The following CXCR5 variants were observed in gnomAD, a reference collection of about 807,000 sequenced individuals.
CXCR5 encodes the protein C-X-C motif chemokine receptor 5.
Under a neutral mutation model 5.6 loss-of-function variants are expected in CXCR5, and 3 were observed. The observed-to-expected ratio is 0.54, with a 90% CI of 0.24 to 1.39. The LOEUF (loss-of-function observed/expected upper bound fraction) is 1.39, where lower values mean the gene tolerates loss of function less well. Ranked by LOEUF, CXCR5 falls within the 40% of genes most tolerant of loss-of-function variation. The pLI, the probability that CXCR5 is intolerant of heterozygous loss-of-function variation, is 0.16. For synonymous variants in CXCR5, 218 were observed against 219.9 expected, an observed-to-expected ratio of 0.99 and a Z score of 0.08; for missense variants, 333 against 494.6, an observed-to-expected ratio of 0.67 and a Z score of 3.10.
chr11:118,888,210 C>A (rs1939748430), intron 1 of CXCR5, among the ~76,000 whole-genome samples: 1 of 152,186 alleles, frequency 6.6e-6, no homozygotes, highest in Non-Finnish European at 1.5e-5. Flanking sequence ...AAACGTTCCT[C>A]TCCTTCCTAA....
intron 1 of CXCR5, chr11:118,887,550 A>G: frequency 1.9e-6 from 1 of 535,830 alleles, no homozygotes; most frequent in Non-Finnish European, 2.4e-6. Flanking sequence ...GAGATGAAAG[A>G]GGAGTCTCAC....
chr11:118,886,385 T>A (rs1176312094), intron 1 of CXCR5: 6 of 428,622 alleles, frequency 1.4e-5, no homozygotes, highest in South Asian at 8.3e-5. Context: ...CTCCTGGCCA[T>A]AAGCCAGGTT....
rs1041072773 is a variant in CXCR5 at position 118,896,312 on chromosome 11, C to T, written c.*1649C>T. The T allele has an allele frequency of 4.4e-5, 7 of 157,330 alleles. No individual in the cohort carries two copies. The highest frequency in any genetic ancestry group is 1.7e-4 in the African/African-American group (7 of 41,306). The allele number at this position is 157,330 out of a possible 1,614,324, so 9.7% of individuals were successfully genotyped here. On this transcript the variant is annotated 3_prime_UTR_variant, in exon 2 of 2. Transcript: ENST00000292174. ...TTATATATATATTTATATAATGGTA[C>T]AAAATGGCTGGGGGTGTGGCCATGG...
intron 1 of CXCR5, among the ~76,000 whole-genome samples, chr11:118,891,876 A>AG (rs1400201440): frequency 4.0e-5 from 6 of 151,260 alleles, no homozygotes; most frequent in Non-Finnish European, 7.4e-5. Flanking sequence ...CCCCTCAAAA[A>AG]AAAAAAAAAA....
chr11:118,892,687 G>C (rs1939831990), intron 1 of CXCR5, among the ~76,000 whole-genome samples: 1 of 151,622 alleles, frequency 6.6e-6, no homozygotes, highest in Admixed American at 6.6e-5. Context: ...GTGATGGGGA[G>C]AGGAAGAGGA....
chr11:118,891,689 T>C (rs1040962784), intron 1 of CXCR5, among the ~76,000 whole-genome samples: 4 of 151,758 alleles, frequency 2.6e-5, no homozygotes, highest in Non-Finnish European at 5.9e-5. Flanking sequence ...GCCAACATGG[T>C]GAAACCTTGT....
In CXCR5 at chr11:118,894,759, T is replaced by G. The variant is rs2137661514; in HGVS notation, c.*96T>G. The G allele has an allele frequency of 7.9e-7, 1 of 1,258,176 alleles. No individual in the cohort carries two copies. Among genetic ancestry groups the G allele is most frequent in the Non-Finnish European group, 1.1e-6 (1 of 930,342 alleles). 77.9% of individuals were successfully genotyped at this position (1,258,176 alleles called of 1,614,324 possible). On this transcript the variant is annotated 3_prime_UTR_variant, in exon 2 of 2. Coordinates refer to ENST00000292174, the MANE Select transcript of CXCR5 (RefSeq NM_001716.5). This position sits in a 1 kb window ranked among gnomAD's most constrained non-coding sequence, Gnocchi z 6.1. ...GAGCTGGGATCCTAAGGGCTCACCG[T>G]GGCTAAGAGTGTCCTAGGAGTATCC...
Position 118,885,119 on chromosome 11 carries a change from G to T in CXCR5, c.51+1127G>T, listed in dbSNP as rs542985791. 6.0e-4 allele frequency among the ~76,000 whole-genome samples: 92 copies of T among 152,218 alleles called. 1 individual carries two copies. Among genetic ancestry groups the T allele is most frequent in the African/African-American group, 2.2e-3 (92 of 41,540 alleles). ...TTCCACCAACCATGTTCCCAGACTT[G>T]CTCAGAGAAGCCCGCCTCTCGCTTG... On this transcript the variant is annotated intron_variant, in intron 1 of 1. Transcript: ENST00000292174.
In CXCR5 at chr11:118,897,542, T is replaced by C. The variant is rs1939964256; in HGVS notation, c.*2879T>C. Reference sequence around the variant, plus strand: ...GCCGCCCTGGGGGTCTCAGCCCTGCTAGGGCTCACCAGGTGGAAGCCTAGG... The same window carrying C: ...GCCGCCCTGGGGGTCTCAGCCCTGCCAGGGCTCACCAGGTGGAAGCCTAGG... On this transcript the variant is annotated 3_prime_UTR_variant, in exon 2 of 2. Coordinates refer to ENST00000292174, the MANE Select transcript of CXCR5 (RefSeq NM_001716.5). 8.6e-6 allele frequency: 3 copies of C among 348,486 alleles called. No individual in the cohort carries two copies. The highest frequency in any genetic ancestry group is 1.1e-5 in the Non-Finnish European group (2 of 178,000). The allele number at this position is 348,486 out of a possible 1,614,324, so 21.6% of individuals were successfully genotyped here.
rs193011841 is a variant in CXCR5, at chr11:118,889,419, C to T, written c.52-4177C>T. On this transcript the variant is annotated intron_variant, in intron 1 of 1. Coordinates refer to ENST00000292174, the MANE Select transcript of CXCR5 (RefSeq NM_001716.5). ...TTTTCATGTCAAAGAATGGGCACAC[C>T]GCTCACGCAAATGGTCTGCCCTGTG... Among the ~76,000 whole-genome samples the T allele has an allele frequency of 3.0e-4, 46 of 152,310 alleles. No individual in the cohort carries two copies. The East Asian group carries it at 3.9e-3, about 13-fold the overall frequency.
rs762417538 is a variant in CXCR5, at chr11:118,883,952, C to T, written c.11C>T (p.Pro4Leu). The T allele has an allele frequency of 1.1e-5, 17 of 1,612,314 alleles. No homozygotes were observed. The highest frequency in any genetic ancestry group is 3.3e-5 in the South Asian group (3 of 90,680). Reference sequence around the variant, plus strand: ...ACAGCCGGCACAGCCATGAACTACCCGCTAACGCTGGAAATGGACCTCGAG... The same window carrying T: ...ACAGCCGGCACAGCCATGAACTACCTGCTAACGCTGGAAATGGACCTCGAG... MNY[P>L]LTLEMDLENL... Residue 4 changes from proline (P) to leucine (L), a missense_variant, in exon 1 of 2, where the codon CCG becomes CTG. Coordinates refer to ENST00000292174, the MANE Select transcript of CXCR5 (RefSeq NM_001716.5).
At chr11:118,885,197 G>A (rs1939691489) in intron 1 of CXCR5, among the ~76,000 whole-genome samples, 1 of 152,208 alleles carries the variant, frequency 6.6e-6, no homozygotes, top group Non-Finnish European at 1.5e-5. Flanking sequence ...AAAGTGGGCA[G>A]AAGGGCTGAC....
chr11:118,886,737 G>A (rs1198444623), intron 1 of CXCR5: 2 of 227,666 alleles, frequency 8.8e-6, no homozygotes, highest in Non-Finnish European at 1.8e-5. Flanking sequence ...TATACCTCCA[G>A]CCCCACCCTG....
intron 1 of CXCR5, among the ~76,000 whole-genome samples, chr11:118,888,889 C>T (rs904255639): frequency 4.6e-5 from 7 of 152,198 alleles, no homozygotes; most frequent in African/African-American, 1.7e-4. Context: ...CTGCCCAATG[C>T]ACCTGCTGAC....
intron 1 of CXCR5, chr11:118,886,542 T>C (rs1260017073): frequency 2.7e-6 from 1 of 365,616 alleles, no homozygotes; most frequent in Non-Finnish European, 5.3e-6. Flanking sequence ...AAAAATTAGA[T>C]GGCTAAGAAC....
In CXCR5 at chr11:118,894,917, C is replaced by T; in HGVS notation, c.*254C>T. The T allele has an allele frequency of 2.4e-6, 1 of 424,268 alleles. No individual in the cohort carries two copies. The highest frequency in any genetic ancestry group is 4.3e-6 in the Non-Finnish European group (1 of 231,096). The allele number at this position is 424,268 out of a possible 1,614,324, so 26.3% of individuals were successfully genotyped here. On this transcript the variant is annotated 3_prime_UTR_variant, in exon 2 of 2. Coordinates refer to ENST00000292174, the MANE Select transcript of CXCR5 (RefSeq NM_001716.5). The surrounding 1 kb of genome is among the most constrained non-coding windows in gnomAD (Gnocchi z 6.1). ...AAGGCACAGTGAAGGCTGTCCTTAC[C>T]CATCTGCACCCCCCTGGGCTGAGAG...
intron 1 of CXCR5, among the ~76,000 whole-genome samples, chr11:118,889,643 C>G (rs1939777939): frequency 6.6e-6 from 1 of 152,140 alleles, no homozygotes; most frequent in Non-Finnish European, 1.5e-5. Flanking sequence ...CCCGAACCCC[C>G]AAAACGTCTG....
At chr11:118,885,314 A>G (rs1939694409) in intron 1 of CXCR5, among the ~76,000 whole-genome samples, 2 of 152,194 alleles carry the variant, frequency 1.3e-5, no homozygotes, top group Non-Finnish European at 2.9e-5. Context: ...TGCAAAATGA[A>G]AACATGGGGC....
At chr11:118,892,333 AC>A (rs1364798800) in intron 1 of CXCR5, among the ~76,000 whole-genome samples, 1 of 152,150 alleles carries the variant, frequency 6.6e-6, no homozygotes, top group African/African-American at 2.4e-5. Context: ...GCCCTGTGGC[AC>A]CCAGTGTGAC....
Sources: allele counts gnomAD v4.1 joint callset (sites outside exome capture counted in the v4.1 genomes callset), GRCh38; gene constraint gnomAD v4.1.1; non-coding constraint Gnocchi (gnomAD v3.1); transcripts MANE v1.5; gene names NCBI Gene and HGNC (gene_info 2026-07-23, HGNC 2026-07-21).